Variants in VPS50 observed in about 807,000 individuals in gnomAD.
VPS50 encodes VPS50 subunit of EARP/GARPII complex.
In VPS50, 70 loss-of-function variants were observed where a neutral mutation model predicts 139.7. That is an observed-to-expected ratio of 0.50 (90% CI 0.41 to 0.61). The LOEUF is 0.61. Among genes scored for constraint, VPS50 ranks in the 20% least tolerant of loss-of-function variants. The probability of loss-of-function intolerance (pLI) is 0.00; values close to 1 mark genes in which losing one functional copy is unlikely to be tolerated. For missense variants in VPS50, 921 were observed against 1,133.7 expected (o/e 0.81, Z 2.69); for synonymous variants, 365 against 376.7 (o/e 0.97, Z 0.36).
At chr7:93,275,742 G>C (rs1423887575) in intron 11 of VPS50, 1 of 156,690 alleles carries the variant, frequency 6.4e-6, no homozygotes, top group Non-Finnish European at 1.4e-5. Context: ...TGGATGCAGA[G>C]ATAGAAAGTA....
In VPS50 at chr7:93,239,900, T is replaced by C; in HGVS notation, c.68T>C (p.Leu23Pro). The change falls in exon 2 of 28, where the codon CTT becomes CCT. Residue 23 changes from leucine (L) to proline (P), a missense_variant. By Grantham distance (98) the Leu-to-Pro change is moderately conservative. Around this residue, in one of 3 missense-constraint regions of VPS50, gnomAD observed 744 missense variants for 930.6 expected, o/e 0.80. Coordinates refer to ENST00000305866, the MANE Select transcript of VPS50 (RefSeq NM_017667.4). Reference protein sequence around the residue: ...LKSPQESLSDLGAIESLRVPG... With the variant: ...LKSPQESLSDPGAIESLRVPG... ...AGCCCTCAAGAAAGCCTCAGTGATC[T>C]TGGTGCCATAGAGAGTCTCCGGGTC... 1 of 1,607,890 alleles carries C rather than the reference T, an allele frequency of 6.2e-7. No homozygotes were observed. Among genetic ancestry groups the C allele is most frequent in the South Asian group, 1.1e-5 (1 of 90,966 alleles).
intron 22 of VPS50, among the ~76,000 whole-genome samples, chr7:93,339,936 G>A (rs532102822): frequency 1.3e-5 from 2 of 151,806 alleles, no homozygotes; most frequent in East Asian, 3.9e-4. Flanking sequence ...TTTAAAAAAT[G>A]TAATGAATGG....
At chr7:93,354,299 CTT>C (rs199933408) in intron 26 of VPS50, among the ~76,000 whole-genome samples, 75,318 of 140,956 alleles carry the variant, frequency 0.53, 22,816 homozygotes, top group African/African-American at 0.86. Flanking sequence ...TCTTTTCTTT[CTT>C]TTTTTTTTTT....
Position 93,294,614 on chromosome 7 carries a change from A to G in VPS50, c.1145A>G (p.His382Arg), listed in dbSNP as rs1796750039. 6.3e-7 allele frequency: 1 copy of G among 1,598,698 alleles called. No homozygotes were observed. The highest frequency in any genetic ancestry group is 8.5e-7 in the Non-Finnish European group (1 of 1,173,982). ...DRGYIKKKLE[H>R]GLTRIWQDVQ... ...GGCTACATAAAAAAGAAATTAGAAC[A>G]TGGACTTACACGAATATGGCAGGTT... The change falls in exon 14 of 28, where the codon CAT becomes CGT. Residue 382 changes from histidine (H) to arginine (R), a missense_variant. By Grantham distance (29) the His-to-Arg change is conservative. Coordinates refer to ENST00000305866, the MANE Select transcript of VPS50 (RefSeq NM_017667.4).
intron 9 of VPS50, among the ~76,000 whole-genome samples, chr7:93,261,922 A>G (rs1440345291): frequency 6.6e-6 from 1 of 152,162 alleles, no homozygotes; most frequent in East Asian, 1.9e-4. Flanking sequence ...TATCTATTGG[A>G]TTTATAGCAA....
intron 2 of VPS50, among the ~76,000 whole-genome samples, chr7:93,244,978 TG>T (rs1383717444): frequency 1.3e-5 from 2 of 151,890 alleles, no homozygotes; most frequent in Non-Finnish European, 1.5e-5. Context: ...ACAGTCCATT[TG>T]GCAAACACTT....
At chr7:93,343,980 T>A (rs1219893914) in intron 23 of VPS50, among the ~76,000 whole-genome samples, 2 of 152,236 alleles carry the variant, frequency 1.3e-5, no homozygotes, top group South Asian at 2.1e-4. Context: ...CACATAACCA[T>A]ATTAACTTTA....
At chr7:93,308,772 C>T in intron 18 of VPS50, 52 bp from the exon 19 acceptor site, 1 of 892,200 alleles carries the variant, frequency 1.1e-6, no homozygotes, top group Non-Finnish European at 1.8e-6. Flanking sequence ...TGAGACACCC[C>T]ACGAAAAGAG....
intron 20 of VPS50, among the ~76,000 whole-genome samples, chr7:93,313,091 A>G (rs1335127145): frequency 6.6e-6 from 1 of 152,210 alleles, no homozygotes; most frequent in Non-Finnish European, 1.5e-5. Flanking sequence ...GTAGGTTGAA[A>G]GAATAGTACC....
At position 93,305,926 on chromosome 7, in the gene VPS50, C is replaced by T; in HGVS notation, c.1551C>T (p.Tyr517=). ...SSKTVTLFEQ[Y]CSGGNPFEIQ... ...AAACAGTGACCTTGTTTGAGCAGTA[C>T]TGTAGTGGTGGGAATCCATTTGAAA... is the stretch of plus-strand genomic sequence containing the variant. Residue 517 remains tyrosine (Y), a synonymous_variant, in exon 18 of 28, where the codon TAC becomes TAT. Transcript: ENST00000305866. 6.2e-7 allele frequency: 1 copy of T among 1,612,178 alleles called. No homozygotes were observed. The highest frequency in any genetic ancestry group is 8.5e-7 in the Non-Finnish European group (1 of 1,178,452).
Position 93,353,644 on chromosome 7 carries a change from T to C in VPS50, c.2468T>C (p.Phe823Ser). The C allele has an allele frequency of 1.2e-6, 2 of 1,610,822 alleles. No homozygotes were observed. The highest frequency in any genetic ancestry group is 1.7e-6 in the Non-Finnish European group (2 of 1,178,812). The change falls in exon 26 of 28, where the codon TTT (phenylalanine) becomes TCT (serine). Residue 823 changes from phenylalanine to serine, a missense_variant. Coordinates refer to ENST00000305866, the MANE Select transcript of VPS50 (RefSeq NM_017667.4). Reference sequence around the variant, plus strand: ...GCTACCTATTTGTCTTCTTAGGAATTTGAGCAGTTTAACAGGAGGCTAAAT... The same window carrying C: ...GCTACCTATTTGTCTTCTTAGGAATCTGAGCAGTTTAACAGGAGGCTAAAT... ...NIYVDALLKEFEQFNRRLNEV... is the reference protein window; with the variant it reads ...NIYVDALLKESEQFNRRLNEV...
In VPS50 at chr7:93,270,726, A is replaced by T. The variant is rs1429547408; in HGVS notation, c.660-494A>T. On this transcript the variant is annotated intron_variant, in intron 9 of 27. Transcript: ENST00000305866. Reference sequence around the variant, plus strand: ...CTGTTTGCTCAACGTCCTTGCCAACATTTGGTGGTGTCATTTTTAATTTTT... The same window carrying T: ...CTGTTTGCTCAACGTCCTTGCCAACTTTTGGTGGTGTCATTTTTAATTTTT... Among the ~76,000 whole-genome samples, 6 of 151,844 alleles carry T rather than the reference A, an allele frequency of 4.0e-5. 1 individual carries two copies. Among genetic ancestry groups the T allele is most frequent in the African/African-American group, 1.5e-4 (6 of 41,356 alleles).
intron 22 of VPS50, among the ~76,000 whole-genome samples, chr7:93,338,028 C>T (rs1318495807): frequency 1.3e-5 from 2 of 152,160 alleles, no homozygotes; most frequent in East Asian, 3.8e-4. Context: ...ATTTCTTCTA[C>T]CAGTTCCTTT....
chr7:93,311,711 T>A (rs1797274115), intron 20 of VPS50, among the ~76,000 whole-genome samples: 1 of 151,974 alleles, frequency 6.6e-6, no homozygotes, highest in Non-Finnish European at 1.5e-5. Context: ...ACAAGCTAAA[T>A]GTTCAGATTA....
chr7:93,323,588 T>C (rs760737637), intron 20 of VPS50, 23 bp from the exon 21 acceptor site: 1 of 1,106,016 alleles, frequency 9.0e-7, no homozygotes, highest in South Asian at 2.4e-5. Context: ...TCTGCTTAAT[T>C]TTTTATTCTT....
chr7:93,302,281 A>G (rs1796998721), intron 16 of VPS50, among the ~76,000 whole-genome samples: 1 of 149,772 alleles, frequency 6.7e-6, no homozygotes, highest in African/African-American at 2.4e-5. Context: ...TGTCCTTTCT[A>G]TCCAATTGCC....
intron 11 of VPS50, chr7:93,275,695 G>A (rs1796134095): frequency 6.5e-6 from 1 of 154,908 alleles, no homozygotes; most frequent in African/African-American, 2.4e-5. Flanking sequence ...ATGTCAGGTA[G>A]TAACAAATGT....
At chr7:93,243,451 A>G (rs1795055116) in intron 2 of VPS50, among the ~76,000 whole-genome samples, 1 of 151,976 alleles carries the variant, frequency 6.6e-6, no homozygotes, top group South Asian at 2.1e-4. Context: ...TGAGAATATT[A>G]TCTCAAGAAT....
At chr7:93,307,622 T>G (rs1363055159) in intron 18 of VPS50, among the ~76,000 whole-genome samples, 2 of 151,952 alleles carry the variant, frequency 1.3e-5, no homozygotes, top group Admixed American at 1.3e-4. Context: ...TAGGCAAATT[T>G]GCAAACATTG....
Sources: gnomAD v4.1 joint callset for allele counts (sites outside exome capture counted in the v4.1 genomes callset) on GRCh38, gnomAD v4.1.1 for gene constraint, gnomAD v4.1.1 regional missense constraint, MANE v1.5 for transcripts, NCBI Gene and HGNC (gene_info 2026-07-23, HGNC 2026-07-21) for gene names.